The following THRB variants were observed in gnomAD, a reference collection of about 807,000 sequenced individuals.
THRB encodes the protein thyroid hormone receptor beta, also known as nuclear receptor subfamily 1 group A member 2.
A neutral mutation model predicts 47.8 loss-of-function variants in THRB; 12 were observed. That is an observed-to-expected ratio of 0.25 (90% confidence interval 0.16 to 0.41). The LOEUF (loss-of-function observed/expected upper bound fraction) is 0.41, where lower values mean the gene tolerates loss of function less well. Among genes scored for constraint, THRB ranks in the 10% least tolerant of loss-of-function variants. THRB has a pLI of 1.00. For missense variants in THRB, 348 were observed against 589.2 expected, an observed-to-expected ratio of 0.59 and a Z score of 4.24; for synonymous variants, 218 against 212.2, an observed-to-expected ratio of 1.03 and a Z score of -0.24.
intron 3 of THRB, among the ~76,000 whole-genome samples, chr3:24,280,954 C>T (rs1367903134): frequency 6.6e-6 from 1 of 152,118 alleles, no homozygotes; most frequent in Non-Finnish European, 1.5e-5. Context: ...ACCAAATCTA[C>T]GTCTGATTGG....
At chr3:24,356,282 C>G (rs2063666921) in intron 1 of THRB, among the ~76,000 whole-genome samples, 1 of 152,122 alleles carries the variant, frequency 6.6e-6, no homozygotes, top group South Asian at 2.1e-4. Flanking sequence ...CCAGGTGGTC[C>G]TGAACCGCCT....
chr3:24,235,855 T>A (rs2048807265), intron 3 of THRB, among the ~76,000 whole-genome samples: 1 of 152,106 alleles, frequency 6.6e-6, no homozygotes. Context: ...AGCTTAGGGA[T>A]GTGTCTTGAA....
At chr3:24,446,937 A>G (rs1337398799) in intron 1 of THRB, among the ~76,000 whole-genome samples, 1 of 152,204 alleles carries the variant, frequency 6.6e-6, no homozygotes, top group Non-Finnish European at 1.5e-5. Flanking sequence ...CTTTACAAGG[A>G]AATAGGCAGA....
At chr3:24,217,721 C>G (rs914906149) in intron 4 of THRB, among the ~76,000 whole-genome samples, 1 of 152,120 alleles carries the variant, frequency 6.6e-6, no homozygotes, top group Non-Finnish European at 1.5e-5. Context: ...TTGTATCATG[C>G]TAAGTCCTCC....
At position 24,190,325 on chromosome 3, in the gene THRB, A is replaced by G; in HGVS notation, c.32T>C (p.Leu11Pro). 1 of 1,614,036 alleles carries G rather than the reference A, an allele frequency of 6.2e-7. No homozygotes were observed. The highest frequency in any genetic ancestry group is 8.5e-7 in the Non-Finnish European group (1 of 1,179,946). MTPNSMTENG[L>P]TAWDKPKHCP... ...GTGCTTCGGTTTGTCCCAGGCTGTA[A>G]GGCCATTTTCTAAAGGGTTGAAAAA... Residue 11 changes from leucine to proline, a missense_variant, in exon 5 of 11, where the codon CTT becomes CCT. Coordinates refer to ENST00000646209, the MANE Select transcript of THRB (RefSeq NM_001354712.2).
chr3:24,184,724 G>T (rs757260176), intron 5 of THRB, among the ~76,000 whole-genome samples: 13 of 152,158 alleles, frequency 8.5e-5, no homozygotes, highest in Non-Finnish European at 1.6e-4. Context: ...TGCCCTTGAG[G>T]TATAAGAATC....
intron 2 of THRB, among the ~76,000 whole-genome samples, chr3:24,330,177 G>A (rs2061830729): frequency 6.6e-6 from 1 of 151,940 alleles, no homozygotes; most frequent in Admixed American, 6.6e-5. Context: ...CGCGGTGGCG[G>A]GCGCCTGTAG....
chr3:24,246,204 A>G (rs953344422), intron 3 of THRB, among the ~76,000 whole-genome samples: 1 of 152,218 alleles, frequency 6.6e-6, no homozygotes, highest in Non-Finnish European at 1.5e-5. Flanking sequence ...ATTGTTATGC[A>G]TAGTTAAGCC....
chr3:24,484,741 A>C (rs1371584199), intron 1 of THRB, among the ~76,000 whole-genome samples: 1 of 152,170 alleles, frequency 6.6e-6, no homozygotes, highest in Non-Finnish European at 1.5e-5. Flanking sequence ...CAGACTTGAG[A>C]GTTTCAACAG....
chr3:24,229,080 A>G, intron 3 of THRB, 79 bp from the exon 4 acceptor site: 1 of 870,114 alleles, frequency 1.1e-6, no homozygotes, highest in Non-Finnish European at 1.9e-6. Flanking sequence ...ACAATATCAT[A>G]TGCATTAATT....
intron 1 of THRB, among the ~76,000 whole-genome samples, chr3:24,436,239 A>T (rs2070934122): frequency 6.6e-6 from 1 of 152,142 alleles, no homozygotes; most frequent in Non-Finnish European, 1.5e-5. Context: ...AGAAAAAAAA[A>T]AATAACAGAA....
chr3:24,406,105 T>A (rs1271070881), intron 1 of THRB, among the ~76,000 whole-genome samples: 1 of 151,690 alleles, frequency 6.6e-6, no homozygotes, highest in Non-Finnish European at 1.5e-5. Flanking sequence ...TTGATTCTTT[T>A]AAATTTTCAG....
rs7622876 is a variant in THRB, at chr3:24,411,060, G to A, written c.-260-73689C>T. Among the ~76,000 whole-genome samples, 624 of 151,884 alleles carry A rather than the reference G, an allele frequency of 4.1e-3. 2 individuals are homozygous for A. Among genetic ancestry groups the A allele is most frequent in the African/African-American group, 0.013 (555 of 41,500 alleles). ...CTTTTGACCATTGGCTGAGTGTGGT[G>A]GCTGGGGTTAGCAGTGCAGTCTGCT... On this transcript the variant is annotated intron_variant, in intron 1 of 10. Coordinates refer to ENST00000646209, the MANE Select transcript of THRB (RefSeq NM_001354712.2).
chr3:24,190,886 A>G (rs1431692468), intron 4 of THRB, among the ~76,000 whole-genome samples: 1 of 62,900 alleles, frequency 1.6e-5, no homozygotes, highest in Non-Finnish European at 3.3e-5. Context: ...TACAAAAAGA[A>G]AAAAAAAAAA....
chr3:24,446,378 C>A (rs1355760505), intron 1 of THRB, among the ~76,000 whole-genome samples: 1 of 152,124 alleles, frequency 6.6e-6, no homozygotes, highest in African/African-American at 2.4e-5. Context: ...CTCACCTCTG[C>A]CAATCTCCTT....
chr3:24,450,347 T>C (rs1057229657), intron 1 of THRB, among the ~76,000 whole-genome samples: 1 of 152,196 alleles, frequency 6.6e-6, no homozygotes, highest in Non-Finnish European at 1.5e-5. Flanking sequence ...CATTTACACA[T>C]TGGCAACCCT....
chr3:24,364,405 T>C (rs556347000), intron 1 of THRB, among the ~76,000 whole-genome samples: 4 of 152,322 alleles, frequency 2.6e-5, no homozygotes, highest in Admixed American at 1.3e-4. Flanking sequence ...TCAGGCACTT[T>C]ATATTTTTAG....
At chr3:24,398,863 T>C (rs920290636) in intron 1 of THRB, among the ~76,000 whole-genome samples, 5 of 152,070 alleles carry the variant, frequency 3.3e-5, no homozygotes, top group African/African-American at 1.2e-4. Context: ...ATTAAGAAAA[T>C]GTGGCACATA....
chr3:24,173,279 C>T (rs1236639170), intron 5 of THRB, among the ~76,000 whole-genome samples: 1 of 152,160 alleles, frequency 6.6e-6, no homozygotes, highest in East Asian at 1.9e-4. Context: ...ACCTTGAGCC[C>T]TGGATTCTCA....
Sources: gnomAD v4.1 joint callset for allele counts (sites outside exome capture counted in the v4.1 genomes callset) on GRCh38, gnomAD v4.1.1 for gene constraint, MANE v1.5 for transcripts, NCBI Gene and HGNC (gene_info 2026-07-23, HGNC 2026-07-21) for gene names.